Variants in PPARGC1A observed in about 807,000 individuals in gnomAD.
PPARGC1A encodes peroxisome proliferator-activated receptor gamma coactivator 1-alpha.
Under a neutral mutation model 88.7 loss-of-function variants are expected in PPARGC1A, and 25 were observed. The ratio of observed to expected loss-of-function variants is 0.28; its 90% confidence interval spans 0.21 to 0.39. The LOEUF is 0.39. PPARGC1A is among the 10% of genes least tolerant of loss of function. PPARGC1A has a pLI of 1.00. For synonymous variants in PPARGC1A, 363 were observed against 355.6 expected (o/e 1.02, Z -0.24); for missense variants, 880 against 968.7 (o/e 0.91, Z 1.22).
the PPARGC1A span, among the ~76,000 whole-genome samples, chr4:24,285,962 T>A: frequency 6.6e-6 from 1 of 152,330 alleles, no homozygotes; most frequent in Non-Finnish European, 1.5e-5. Flanking sequence ...AAGCCACAGT[T>A]CATCCCTCTT....
At chr4:24,267,531 G>T in the PPARGC1A span, among the ~76,000 whole-genome samples, 2 of 152,306 alleles carry the variant, frequency 1.3e-5, no homozygotes, top group African/African-American at 4.8e-5. Flanking sequence ...TCAATCCGGT[G>T]TTGTGTTCTC....
the PPARGC1A span, among the ~76,000 whole-genome samples, chr4:23,973,484 AAGAG>A: frequency 2.4e-4 from 37 of 151,750 alleles, no homozygotes; most frequent in Admixed American, 1.7e-3. Context: ...TTGTTTCTTA[AAGAG>A]AGAGAGAGAG....
intron 5 of PPARGC1A, 90 bp from the exon 6 acceptor site, chr4:23,824,598 C>G (rs1723595458): frequency 1.8e-6 from 2 of 1,130,736 alleles, no homozygotes; most frequent in Non-Finnish European, 2.5e-6. Flanking sequence ...GAAAAACAAC[C>G]AGAAAACTCA....
At chr4:23,848,940 A>T (rs925235297) in intron 2 of PPARGC1A, among the ~76,000 whole-genome samples, 1 of 152,036 alleles carries the variant, frequency 6.6e-6, no homozygotes, top group Non-Finnish European at 1.5e-5. Flanking sequence ...TCAGGAGATC[A>T]AGACCATCCT....
the PPARGC1A span, among the ~76,000 whole-genome samples, chr4:24,354,148 C>A: frequency 1.3e-5 from 2 of 152,090 alleles, no homozygotes; most frequent in Admixed American, 6.6e-5. Flanking sequence ...ACCTCAGAAC[C>A]AGCAATGGGA....
intron 12 of PPARGC1A, among the ~76,000 whole-genome samples, chr4:23,798,341 T>C (rs538525598): frequency 1.3e-5 from 2 of 152,284 alleles, no homozygotes; most frequent in African/African-American, 2.4e-5. Flanking sequence ...ATCACACTTA[T>C]ATTCCCAGCA....
At chr4:24,156,782 G>C in the PPARGC1A span, among the ~76,000 whole-genome samples, 3 of 145,608 alleles carry the variant, frequency 2.1e-5, no homozygotes, top group African/African-American at 7.6e-5. Flanking sequence ...ATGAATACTG[G>C]TTGGTGGCTT....
the PPARGC1A span, among the ~76,000 whole-genome samples, chr4:24,139,551 T>C: frequency 6.6e-6 from 1 of 152,198 alleles, no homozygotes; most frequent in Non-Finnish European, 1.5e-5. Flanking sequence ...AGTTTTGCTA[T>C]TAATTGATGC....
intron 10 of PPARGC1A, among the ~76,000 whole-genome samples, chr4:23,805,843 C>T (rs1047159026): frequency 6.6e-6 from 1 of 152,046 alleles, no homozygotes; most frequent in African/African-American, 2.4e-5. Flanking sequence ...TGCTCAACTA[C>T]CATTATGGGA....
the PPARGC1A span, among the ~76,000 whole-genome samples, chr4:24,110,286 T>A: frequency 2.7e-3 from 417 of 152,338 alleles, 5 homozygotes; most frequent in East Asian, 0.051. Flanking sequence ...AGATTTTAAC[T>A]TAAGAGCTCA....
the PPARGC1A span, among the ~76,000 whole-genome samples, chr4:24,015,264 T>TGAGATA: frequency 1.4e-3 from 213 of 152,172 alleles, 1 homozygote; most frequent in Middle Eastern, 3.4e-3. Context: ...TAGGTATAGA[T>TGAGATA]GAGATAGAGA....
At chr4:24,062,065 A>G in the PPARGC1A span, among the ~76,000 whole-genome samples, 6 of 152,314 alleles carry the variant, frequency 3.9e-5, no homozygotes, top group African/African-American at 1.2e-4. Flanking sequence ...TCTACTATCT[A>G]TCTGTGCTCC....
At chr4:23,939,423 C>A in the PPARGC1A span, among the ~76,000 whole-genome samples, 100 of 152,244 alleles carry the variant, frequency 6.6e-4, no homozygotes, top group Middle Eastern at 3.4e-3. Flanking sequence ...CACCTTATTA[C>A]CCTCTAGGTC....
At chr4:24,195,786 C>A in the PPARGC1A span, among the ~76,000 whole-genome samples, 1 of 151,922 alleles carries the variant, frequency 6.6e-6, no homozygotes, top group African/African-American at 2.4e-5. Context: ...TTTTTGTGTT[C>A]TAGATACTCT....
At chr4:24,036,709 C>T in the PPARGC1A span, among the ~76,000 whole-genome samples, 10 of 151,902 alleles carry the variant, frequency 6.6e-5, no homozygotes, top group Admixed American at 2.0e-4. Flanking sequence ...TAGAATTAAC[C>T]TCAGGGGGTG....
At chr4:23,801,300 C>G (rs997658964) in intron 12 of PPARGC1A, among the ~76,000 whole-genome samples, 1 of 151,940 alleles carries the variant, frequency 6.6e-6, no homozygotes, top group Admixed American at 6.6e-5. Flanking sequence ...CTGCATAACA[C>G]ACGCACACAC....
At chr4:24,419,324 G>C in the PPARGC1A span, among the ~76,000 whole-genome samples, 2 of 148,428 alleles carry the variant, frequency 1.3e-5, no homozygotes, top group East Asian at 4.0e-4. Context: ...CCCACTCCCT[G>C]ACCAACACAA....
the PPARGC1A span, among the ~76,000 whole-genome samples, chr4:23,928,559 G>A: frequency 6.6e-6 from 1 of 152,018 alleles, no homozygotes; most frequent in Non-Finnish European, 1.5e-5. Flanking sequence ...CAAAGATCTA[G>A]AACCAGAACT....
At chr4:24,032,904 T>A in the PPARGC1A span, among the ~76,000 whole-genome samples, 1 of 152,208 alleles carries the variant, frequency 6.6e-6, no homozygotes, top group Non-Finnish European at 1.5e-5. Context: ...GCACACACCC[T>A]TAGATACTTA....
Sources: allele counts gnomAD v4.1 joint callset (sites outside exome capture counted in the v4.1 genomes callset), GRCh38; gene constraint gnomAD v4.1.1; transcripts MANE v1.5; gene names NCBI Gene and HGNC (gene_info 2026-07-23, HGNC 2026-07-21).